The following NUP50 variants were observed in gnomAD, a reference collection of about 807,000 sequenced individuals.
NUP50 encodes the protein nucleoporin 50, also known as nuclear pore complex protein Nup50.
NUP50 carries 14 observed loss-of-function variants against 36.8 expected under a neutral mutation model. The observed-to-expected ratio is 0.38, with a 90% CI of 0.25 to 0.59. NUP50 has a LOEUF of 0.59. Among genes scored for constraint, NUP50 ranks in the 20% least tolerant of loss-of-function variants. The pLI, the probability that NUP50 is intolerant of heterozygous loss-of-function variation, is 0.63. For synonymous variants in NUP50, 195 were observed against 210.8 expected (o/e 0.93, Z 0.65); for missense variants, 455 against 564.6 (o/e 0.81, Z 1.97).
At chr22:45,171,031 C>A (rs132875) in intron 2 of NUP50, 216,289 of 1,302,896 alleles carry the variant, frequency 0.17, 20,666 homozygotes, top group East Asian at 0.57. Flanking sequence ...TATTCAGCAG[C>A]TTTCTGACGT....
Position 45,185,321 on chromosome 22 carries a change from C to T in NUP50, c.*666C>T, listed in dbSNP as rs1287633257. On this transcript the variant is annotated 3_prime_UTR_variant, in exon 8 of 8. Transcript: ENST00000347635. ...AGCTTGTGAAGGAGTTTTTTGGCTT[C>T]ATAGTTTCTATTCATGAGGTAGTGT... 1 of 152,910 alleles carries T rather than the reference C, an allele frequency of 6.5e-6. No homozygotes were observed. The allele number at this position is 152,910 out of a possible 1,614,324, so 9.5% of individuals were successfully genotyped here. A position where few individuals can be genotyped will look rare whatever the true frequency, so the allele number is the denominator to read the frequency against.
chr22:45,179,271 T>TGA, intron 5 of NUP50: 1 of 183,008 alleles, frequency 5.5e-6, no homozygotes, highest in East Asian at 1.5e-4. Context: ...TGATTTGTAC[T>TGA]TAGGAGATCT....
intron 1 of NUP50, chr22:45,164,781 C>T (rs2074067932): frequency 6.6e-6 from 1 of 152,574 alleles, no homozygotes; most frequent in Admixed American, 6.5e-5. Flanking sequence ...CAGGGCTGTC[C>T]TGGCGTGGTC....
At chr22:45,173,764 A>G (rs778843248) in intron 3 of NUP50, among the ~76,000 whole-genome samples, 2 of 152,224 alleles carry the variant, frequency 1.3e-5, no homozygotes, top group African/African-American at 2.4e-5. Context: ...TTCAAGAGGT[A>G]GAAATAGTAC....
intron 7 of NUP50, chr22:45,184,072 C>T (rs2074428159): frequency 4.2e-6 from 1 of 238,334 alleles, no homozygotes; most frequent in South Asian, 6.1e-5. Context: ...GCTGTGCCGG[C>T]CTGTGACAGA....
chr22:45,173,338 GTT>G (rs132885), intron 3 of NUP50, among the ~76,000 whole-genome samples: 27,037 of 134,574 alleles, frequency 0.2, 2,628 homozygotes, highest in East Asian at 0.54. Context: ...AACTTCAGGT[GTT>G]TTTTTTTTTT....
chr22:45,176,397 G>GA (rs1284817735), intron 4 of NUP50, among the ~76,000 whole-genome samples: 1 of 152,200 alleles, frequency 6.6e-6, no homozygotes, highest in Non-Finnish European at 1.5e-5. Flanking sequence ...AGTCGAGAGA[G>GA]AAAAGAAAAT....
intron 5 of NUP50, chr22:45,179,279 T>C (rs2074328831): frequency 5.7e-6 from 1 of 175,952 alleles, no homozygotes; most frequent in Admixed American, 5.7e-5. Flanking sequence ...ACTTAGGAGA[T>C]CTCACTGTAA....
intron 6 of NUP50, among the ~76,000 whole-genome samples, chr22:45,182,190 C>G (rs1455199750): frequency 6.6e-6 from 1 of 151,902 alleles, no homozygotes; most frequent in African/African-American, 2.4e-5. Context: ...CCTGTAATCC[C>G]AGCACTTTGG....
Position 45,176,125 on chromosome 22 carries a change from T to C in NUP50, c.340+45T>C, listed in dbSNP as rs749678017. 14 of 1,581,658 alleles carry C rather than the reference T, an allele frequency of 8.9e-6. No homozygotes were observed. The South Asian group carries it at 1.5e-4, about 17-fold the overall frequency. Reference sequence around the variant, plus strand: ...CAGCCGCCTGTGTAAGTATCATCTATGGAAAATAGCTTTACAAAGATGTTT... The same window carrying C: ...CAGCCGCCTGTGTAAGTATCATCTACGGAAAATAGCTTTACAAAGATGTTT... On this transcript the variant is annotated intron_variant, in intron 4 of 7. Transcript: ENST00000347635.
In NUP50 at chr22:45,178,462, G is replaced by A; in HGVS notation, c.565G>A (p.Asp189Asn). ...CTGTGATCTGACACCTATCTTTAAA[G>A]ACTATGAGAAATATTTAGCAAACAT... Reference protein sequence around the residue: ...PLCDLTPIFKDYEKYLANIEQ... With the variant: ...PLCDLTPIFKNYEKYLANIEQ... Residue 189 changes from aspartate (D) to asparagine (N), a missense_variant, in exon 5 of 8, where the codon GAC (aspartate) becomes AAC (asparagine). Transcript: ENST00000347635. The A allele has an allele frequency of 6.2e-7, 1 of 1,613,282 alleles. No homozygotes were observed. The highest frequency in any genetic ancestry group is 8.5e-7 in the Non-Finnish European group (1 of 1,179,860).
chr22:45,183,640 C>A (rs2074418789), intron 7 of NUP50, 120 bp downstream of exon 7: 1 of 701,798 alleles, frequency 1.4e-6, no homozygotes, highest in East Asian at 2.5e-5. Context: ...CCAAATTCAT[C>A]CTGTATTTAC....
rs765589224 is a variant in NUP50 at position 45,184,682 on chromosome 22, T to C, written c.*27T>C. On this transcript the variant is annotated 3_prime_UTR_variant, in exon 8 of 8. Coordinates refer to ENST00000347635, the MANE Select transcript of NUP50 (RefSeq NM_007172.4). ...CACGCAAAGTCGGCTGCAGAATTATTGCCAAGTTGCTGCTGCTTCCACCGC... is the reference window on the plus strand; with the variant it reads ...CACGCAAAGTCGGCTGCAGAATTATCGCCAAGTTGCTGCTGCTTCCACCGC... The C allele has an allele frequency of 5.1e-5, 75 of 1,483,596 alleles. No homozygotes were observed. The highest frequency in any genetic ancestry group is 8.3e-6 in the Non-Finnish European group (9 of 1,082,160). 91.9% of individuals were successfully genotyped at this position (1,483,596 alleles called of 1,614,324 possible).
In NUP50 at chr22:45,186,588, A is replaced by G. The variant is rs1225032540; in HGVS notation, c.*1933A>G. On this transcript the variant is annotated 3_prime_UTR_variant, in exon 8 of 8. Coordinates refer to ENST00000347635, the MANE Select transcript of NUP50 (RefSeq NM_007172.4). ...CGTGTGTATGGAAAGTTGACAAAAA[A>G]TGGCATGAAAAGATCATGATTGGAT... The G allele has an allele frequency of 6.6e-6, 1 of 152,646 alleles. No individual in the cohort carries two copies. The highest frequency in any genetic ancestry group is 2.4e-5 in the African/African-American group (1 of 41,450). The allele number at this position is 152,646 out of a possible 1,614,324, so 9.5% of individuals were successfully genotyped here. A position where few individuals can be genotyped will look rare whatever the true frequency, so the allele number is the denominator to read the frequency against.
chr22:45,169,606 C>T (rs142302882), intron 2 of NUP50, among the ~76,000 whole-genome samples: 36 of 152,312 alleles, frequency 2.4e-4, no homozygotes, highest in African/African-American at 8.7e-4. Context: ...ACTAATATAA[C>T]CAAGGAATAA....
At chr22:45,183,253 C>A in intron 6 of NUP50, 149 bp from the exon 7 acceptor site, 1 of 556,482 alleles carries the variant, frequency 1.8e-6, no homozygotes. Flanking sequence ...TGCTCAGGCT[C>A]TGTTTGGATC....
chr22:45,165,586 C>A (rs534081492), intron 1 of NUP50, among the ~76,000 whole-genome samples: 1 of 152,098 alleles, frequency 6.6e-6, no homozygotes, highest in Non-Finnish European at 1.5e-5. Flanking sequence ...TTTCTCCCCC[C>A]CACTTCTAGC....
intron 3 of NUP50, among the ~76,000 whole-genome samples, chr22:45,174,072 G>C (rs1410089397): frequency 2.6e-5 from 4 of 152,042 alleles, no homozygotes; most frequent in Non-Finnish European, 5.9e-5. Context: ...CAAATACATA[G>C]TATTAATTTT....
rs184557289 is a variant in NUP50 at position 45,168,147 on chromosome 22, C to T, written c.-10-21C>T. On this transcript the variant is annotated intron_variant, in intron 1 of 7. Transcript: ENST00000347635. ...ATTTATTCTTCTAGAAAAATAAACT[C>T]TTCTGTTTTCTATAACTTAGGTTCG... 1,163 of 1,551,544 alleles carry T rather than the reference C, an allele frequency of 7.5e-4. 3 individuals are homozygous for T. The highest frequency in any genetic ancestry group is 4.2e-3 in the Middle Eastern group (25 of 5,930).
Sources: gnomAD v4.1 joint callset for allele counts (sites outside exome capture counted in the v4.1 genomes callset) on GRCh38, gnomAD v4.1.1 for gene constraint, MANE v1.5 for transcripts, NCBI Gene and HGNC (gene_info 2026-07-23, HGNC 2026-07-21) for gene names.